Variants in HPD observed in about 807,000 individuals in gnomAD.
The protein encoded by HPD is 4-hydroxyphenylpyruvic acid oxidase.
In HPD, 35 loss-of-function variants were observed where a neutral mutation model predicts 56.9. The ratio of observed to expected loss-of-function variants is 0.62; its 90% CI spans 0.47 to 0.82. The LOEUF is 0.82. Ranked by LOEUF, HPD falls within the 40% of genes least tolerant of loss-of-function variation. HPD has a pLI of 0.00. For missense variants in HPD, 442 were observed against 506.8 expected, an observed-to-expected ratio of 0.87 and a Z score of 1.23; for synonymous variants, 186 against 200.2, an observed-to-expected ratio of 0.93 and a Z score of 0.60.
At chr12:121,854,918 G>T in intron 6 of HPD, 126 bp from the exon 7 acceptor site, 1 of 750,506 alleles carries the variant, frequency 1.3e-6, no homozygotes. Context: ...GCCCCAGGTA[G>T]GAACCCCAGC....
At chr12:121,864,570 A>AAC, upstream of HPD, among the ~76,000 whole-genome samples, 1 of 145,620 alleles carries the variant, frequency 6.9e-6, no homozygotes. Context: ...AAAAAAAAAA[A>AAC]TGGCCGGGCG....
Position 121,843,811 on chromosome 12 carries a change from C to T in HPD, c.853G>A (p.Gly285Ser), listed in dbSNP as rs775272461. ...GAGGGAACAGATAAGAACTCCAGGCCTCTCTCTCTCAAGTGGCGAATCTGT... is the reference window on the plus strand; with the variant it reads ...GAGGGAACAGATAAGAACTCCAGGCTTCTCTCTCTCAAGTGGCGAATCTGT... ...ITAIRHLRER[G>S]LEFLSVPSTY... Residue 285 changes from glycine to serine, a missense_variant, in exon 12 of 14, where the codon GGC becomes AGC. Transcript: ENST00000289004. The T allele has an allele frequency of 2.5e-6, 4 of 1,611,746 alleles. No homozygotes were observed. Among genetic ancestry groups the T allele is most frequent in the Non-Finnish European group, 3.4e-6 (4 of 1,178,308 alleles).
At chr12:121,845,502 G>A (rs536079718) in intron 11 of HPD, among the ~76,000 whole-genome samples, 19 of 150,558 alleles carry the variant, frequency 1.3e-4, no homozygotes, top group African/African-American at 4.7e-4. Flanking sequence ...TTGGGAGGCT[G>A]AGGCAGGAGA....
intron 9 of HPD, 68 bp from the exon 10 acceptor site, chr12:121,847,282 C>T (rs1465248638): frequency 1.4e-6 from 2 of 1,459,160 alleles, no homozygotes; most frequent in African/African-American, 2.8e-5. Flanking sequence ...CACCCATTTC[C>T]ACCTTCCAGA....
upstream of HPD, among the ~76,000 whole-genome samples, chr12:121,865,516 G>A (rs531730505): frequency 6.7e-6 from 1 of 148,658 alleles, no homozygotes; most frequent in East Asian, 2.1e-4. Flanking sequence ...TGATCTGTCC[G>A]CCTTGGCCTC....
rs1287866212 is a variant in HPD at position 121,839,723 on chromosome 12, G to C, written c.*5C>G. On this transcript the variant is annotated 3_prime_UTR_variant, in exon 14 of 14. Coordinates refer to ENST00000289004, the MANE Select transcript of HPD (RefSeq NM_002150.3). Reference sequence around the variant, plus strand: ...TGGCTGTGGCCTCCGTGGGGTGGGCGGGGCTTACATGCCGGGCACCACCCC... The same window carrying C: ...TGGCTGTGGCCTCCGTGGGGTGGGCCGGGCTTACATGCCGGGCACCACCCC... The C allele has an allele frequency of 6.2e-7, 1 of 1,600,314 alleles. No homozygotes were observed. Among genetic ancestry groups the C allele is most frequent in the Non-Finnish European group, 8.6e-7 (1 of 1,167,448 alleles).
At chr12:121,874,009 C>CT in the HPD span, among the ~76,000 whole-genome samples, 1 of 151,928 alleles carries the variant, frequency 6.6e-6, no homozygotes, top group Non-Finnish European at 1.5e-5. Context: ...AGAAAAAAAT[C>CT]TTGCACCCTA....
chr12:121,870,601 T>TG, the HPD span, among the ~76,000 whole-genome samples: 1 of 150,778 alleles, frequency 6.6e-6, no homozygotes, highest in Non-Finnish European at 1.5e-5. Flanking sequence ...GAAGGTTTTT[T>TG]TTTTTTTTTT....
intron 7 of HPD, among the ~76,000 whole-genome samples, chr12:121,853,069 G>A (rs1262554594): frequency 2.6e-5 from 4 of 152,070 alleles, no homozygotes; most frequent in South Asian, 2.1e-4. Context: ...GCAAACTAAC[G>A]CAGGAACAGA....
rs879205776 is a variant in HPD at position 121,839,646 on chromosome 12, A to G, written c.*82T>C. 1 of 1,021,296 alleles carries G rather than the reference A, an allele frequency of 9.8e-7. No homozygotes were observed. The highest frequency in any genetic ancestry group is 1.5e-6 in the Non-Finnish European group (1 of 650,728). 63.3% of individuals were successfully genotyped at this position (1,021,296 alleles called of 1,614,324 possible). On this transcript the variant is annotated 3_prime_UTR_variant, in exon 14 of 14. Transcript: ENST00000289004. ...CCGCTGGTGGGCGGGACCCAAGGGG[A>G]GCAGCCAGTAGGGAAGTTGGGCGAG... is the stretch of plus-strand genomic sequence containing the variant.
At chr12:121,847,386 G>T (rs1877623814) in intron 9 of HPD, among the ~76,000 whole-genome samples, 172 bp from the exon 10 acceptor site, 1 of 152,122 alleles carries the variant, frequency 6.6e-6, no homozygotes, top group African/African-American at 2.4e-5. Context: ...GCTCGAGACA[G>T]AGTCTCACTC....
At chr12:121,855,972 C>CAAAAAAAA (rs57671436) in intron 6 of HPD, among the ~76,000 whole-genome samples, 1 of 65,342 alleles carries the variant, frequency 1.5e-5, no homozygotes, top group Admixed American at 2.0e-4. Context: ...CTCCGTCTCA[C>CAAAAAAAA]AAAAAAAAAA....
upstream of HPD, among the ~76,000 whole-genome samples, chr12:121,860,369 A>T (rs1464343263): frequency 2.0e-5 from 3 of 152,158 alleles, no homozygotes; most frequent in Non-Finnish European, 2.9e-5. Flanking sequence ...CTAAGCACAA[A>T]GGCCAATGTT....
intron 6 of HPD, 137 bp downstream of exon 6, chr12:121,856,187 A>AGCATCTGGGCTTGTCACTGTGATGCG: frequency 1.3e-6 from 1 of 746,052 alleles, no homozygotes; most frequent in Admixed American, 1.9e-5. Flanking sequence ...ACTGTGATGC[A>AGCATCTGGGCTTGTCACTGTGATGCG]GCATCTGAGC....
chr12:121,868,778 C>T, the HPD span, among the ~76,000 whole-genome samples: 1 of 152,128 alleles, frequency 6.6e-6, no homozygotes, highest in Non-Finnish European at 1.5e-5. Flanking sequence ...GCCTCAGCCT[C>T]CCGAAGTGCT....
chr12:121,877,221 T>C, the HPD span, among the ~76,000 whole-genome samples: 1 of 152,240 alleles, frequency 6.6e-6, no homozygotes, highest in East Asian at 1.9e-4. Flanking sequence ...TTCTACCCAT[T>C]GTACAGTTGA....
chr12:121,867,195 T>C (rs1441998491), upstream of HPD, among the ~76,000 whole-genome samples: 2 of 151,810 alleles, frequency 1.3e-5, no homozygotes, highest in Non-Finnish European at 2.9e-5. Flanking sequence ...CTACTAAAAA[T>C]ACAAAAATTA....
the HPD span, among the ~76,000 whole-genome samples, chr12:121,878,076 A>T: frequency 1.3e-5 from 2 of 152,152 alleles, no homozygotes; most frequent in Admixed American, 1.3e-4. Context: ...TTTTGGGGTG[A>T]TGGAAAGAAG....
the HPD span, among the ~76,000 whole-genome samples, chr12:121,873,745 G>A: frequency 5.3e-5 from 8 of 151,904 alleles, no homozygotes; most frequent in Admixed American, 2.6e-4. Context: ...GCGTGAACCC[G>A]GGAGGTGGAG....
Sources: gnomAD v4.1 joint callset for allele counts (sites outside exome capture counted in the v4.1 genomes callset) on GRCh38, gnomAD v4.1.1 for gene constraint, MANE v1.5 for transcripts, NCBI Gene and HGNC (gene_info 2026-07-23, HGNC 2026-07-21) for gene names.